Variants in CPSF2 observed in about 807,000 individuals in gnomAD.
The protein encoded by CPSF2 is cleavage and polyadenylation specificity factor subunit 2.
In CPSF2, 51 loss-of-function variants were observed where a neutral mutation model predicts 84.2. The observed-to-expected ratio is 0.61, with a 90% CI of 0.48 to 0.77. CPSF2 has a LOEUF of 0.77. Among genes scored for constraint, CPSF2 ranks in the 30% least tolerant of loss-of-function variants. CPSF2 has a pLI of 0.00. For synonymous variants in CPSF2, 286 were observed against 311.9 expected, an observed-to-expected ratio of 0.92 and a Z score of 0.87; for missense variants, 641 against 929.4, an observed-to-expected ratio of 0.69 and a Z score of 4.03.
At chr14:92,130,930 T>A in intron 2 of CPSF2, 21 bp from the exon 3 acceptor site, 2 of 1,468,758 alleles carry the variant, frequency 1.4e-6, no homozygotes, top group Non-Finnish European at 1.9e-6. Context: ...TGTTTAATTA[T>A]GTTTTCATTT....
chr14:92,122,618 A>G (rs2068787808), intron 1 of CPSF2, among the ~76,000 whole-genome samples: 1 of 152,122 alleles, frequency 6.6e-6, no homozygotes, highest in Admixed American at 6.5e-5. Flanking sequence ...ACTGTACTAA[A>G]AGGGTCTTGG....
chr14:92,168,511 T>C lies in CPSF2; in HGVS notation c.*6767T>C, dbSNP rs2069480099. The C allele has an allele frequency of 6.6e-6, 1 of 152,188 alleles. No individual in the cohort carries two copies. The highest frequency in any genetic ancestry group is 2.1e-4 in the South Asian group (1 of 4,838). The allele number at this position is 152,188 out of a possible 1,614,324, so 9.4% of individuals were successfully genotyped here. On this transcript the variant is annotated 3_prime_UTR_variant, in exon 16 of 16. Transcript: ENST00000298875. ...CGCACATGCACACACAGCTCTATTT[T>C]TTGGTGCTTTTCGTTCATTATTCAC...
At position 92,161,639 on chromosome 14, in the gene CPSF2, A is replaced by G. The variant is rs748180031; in HGVS notation, c.2257-13A>G. On this transcript the variant is annotated splice_polypyrimidine_tract_variant and intron_variant, in intron 15 of 15. Coordinates refer to ENST00000298875, the MANE Select transcript of CPSF2 (RefSeq NM_017437.3). ...GAAAATGTACTAAAGAATTTTTTTT[A>G]TTTGGTTTCTAGACGGAAACTGGAC... 22 of 1,563,058 alleles carry G rather than the reference A, an allele frequency of 1.4e-5. No individual in the cohort carries two copies. Among genetic ancestry groups the G allele is most frequent in the Non-Finnish European group, 1.6e-5 (19 of 1,159,924 alleles).
At chr14:92,160,994 G>C in intron 14 of CPSF2, 118 bp from the exon 15 acceptor site, 1 of 940,820 alleles carries the variant, frequency 1.1e-6, no homozygotes. Context: ...TCTGTCAAAG[G>C]ACTTCAGGGA....
chr14:92,135,854 T>G (rs2068991777), intron 6 of CPSF2, among the ~76,000 whole-genome samples: 2 of 152,248 alleles, frequency 1.3e-5, no homozygotes, highest in Non-Finnish European at 2.9e-5. Context: ...TGATATGGTT[T>G]GGCTCTGTGT....
chr14:92,149,983 G>A (rs939145915), intron 9 of CPSF2, among the ~76,000 whole-genome samples: 2 of 152,202 alleles, frequency 1.3e-5, no homozygotes, highest in Admixed American at 6.5e-5. Flanking sequence ...AATAATTTGG[G>A]TGACAAGATG....
intron 7 of CPSF2, among the ~76,000 whole-genome samples, chr14:92,140,748 CAA>C (rs568158522): frequency 1.3e-5 from 2 of 149,740 alleles, no homozygotes; most frequent in Non-Finnish European, 3.0e-5. Context: ...CCCATCTCTA[CAA>C]AAAAAAAGAA....
At chr14:92,148,800 T>C (rs997606781) in intron 9 of CPSF2, among the ~76,000 whole-genome samples, 2 of 150,070 alleles carry the variant, frequency 1.3e-5, no homozygotes, top group African/African-American at 4.9e-5. Context: ...AAGAAATGTA[T>C]ATATATATAT....
chr14:92,150,598 A>T (rs1426011122), intron 9 of CPSF2, among the ~76,000 whole-genome samples: 1 of 151,650 alleles, frequency 6.6e-6, no homozygotes, highest in Non-Finnish European at 1.5e-5. Flanking sequence ...TGTAATTTTT[A>T]ATTCTTTTTT....
intron 5 of CPSF2, among the ~76,000 whole-genome samples, chr14:92,134,755 T>C (rs1459534180): frequency 6.6e-6 from 1 of 152,186 alleles, no homozygotes; most frequent in African/African-American, 2.4e-5. Flanking sequence ...AATTCTAGCA[T>C]TGGACGTTAA....
chr14:92,139,310 A>T (rs1266285899), intron 7 of CPSF2, among the ~76,000 whole-genome samples: 1 of 151,622 alleles, frequency 6.6e-6, no homozygotes, highest in East Asian at 2.0e-4. Context: ...CCAGCTACTC[A>T]GGAGGCTGAG....
intron 1 of CPSF2, chr14:92,122,374 T>A: frequency 6.2e-6 from 1 of 162,548 alleles, no homozygotes; most frequent in Non-Finnish European, 1.4e-5. Flanking sequence ...CCCGGGATCT[T>A]CTTCCCTCCT....
At chr14:92,136,749 C>T (rs762520306) in intron 6 of CPSF2, among the ~76,000 whole-genome samples, 3 of 152,092 alleles carry the variant, frequency 2.0e-5, no homozygotes, top group Non-Finnish European at 2.9e-5. Flanking sequence ...CGTTCAGTCT[C>T]GTAGTAACCG....
At chr14:92,129,571 TAGCCAGGAAA>T (rs1293910716) in intron 2 of CPSF2, among the ~76,000 whole-genome samples, 13 of 152,332 alleles carry the variant, frequency 8.5e-5, no homozygotes, top group African/African-American at 2.9e-4. Flanking sequence ...CTTGCATAGT[TAGCCAGGAAA>T]AGCTCATTTA....
chr14:92,147,706 T>C (rs1210985403), intron 9 of CPSF2, among the ~76,000 whole-genome samples: 2 of 152,156 alleles, frequency 1.3e-5, no homozygotes, highest in Admixed American at 1.3e-4. Flanking sequence ...TAAACATGTA[T>C]TTATTTGTTT....
Position 92,171,356 on chromosome 14 carries a change from T to C in CPSF2, c.*9612T>C, listed in dbSNP as rs549275675. The C allele has an allele frequency of 6.6e-6, 1 of 152,314 alleles. No individual in the cohort carries two copies. Among genetic ancestry groups the C allele is most frequent in the East Asian group, 1.9e-4 (1 of 5,186 alleles). The allele number at this position is 152,314 out of a possible 1,614,324, so 9.4% of individuals were successfully genotyped here. On this transcript the variant is annotated 3_prime_UTR_variant, in exon 16 of 16. Transcript: ENST00000298875. Reference sequence around the variant, plus strand: ...CATTTATTCAATATTTATATCAGTATAGAACATGGGTCCCTGTTTTATCAT... The same window carrying C: ...CATTTATTCAATATTTATATCAGTACAGAACATGGGTCCCTGTTTTATCAT...
Position 92,169,952 on chromosome 14 carries a change from A to G in CPSF2, c.*8208A>G, listed in dbSNP as rs2069497587. On this transcript the variant is annotated 3_prime_UTR_variant, in exon 16 of 16. Transcript: ENST00000298875. ...CAGGAGTTTGAGACCAACCTGGGCA[A>G]CATAGTGAGAACTCATCTCTATTAA... 6.6e-6 allele frequency: 1 copy of G among 152,192 alleles called. No homozygotes were observed. Among genetic ancestry groups the G allele is most frequent in the Non-Finnish European group, 1.5e-5 (1 of 68,104 alleles). 9.4% of individuals were successfully genotyped at this position (152,192 alleles called of 1,614,324 possible).
rs770138083 is a variant in CPSF2, at chr14:92,143,047, A to G, written c.893A>G (p.Lys298Arg). The G allele has an allele frequency of 6.2e-7, 1 of 1,613,906 alleles. No individual in the cohort carries two copies. Among genetic ancestry groups the G allele is most frequent in the Non-Finnish European group, 8.5e-7 (1 of 1,179,832 alleles). The change falls in exon 9 of 16, where the codon AAA becomes AGA. Residue 298 changes from lysine (K) to arginine (R), a missense_variant. Transcript: ENST00000298875. ...AAATTGATGAGATGTTTTGAAGACAAAAGAAATAATCCGTTTCAGTTTCGC... is the reference window on the plus strand; with the variant it reads ...AAATTGATGAGATGTTTTGAAGACAGAAGAAATAATCCGTTTCAGTTTCGC... ...SDKLMRCFED[K>R]RNNPFQFRHL...
Position 92,154,350 on chromosome 14 carries a change from T to G in CPSF2, c.1141-8T>G, listed in dbSNP as rs766620721. The G allele has an allele frequency of 6.3e-7, 1 of 1,586,026 alleles. No individual in the cohort carries two copies. Among genetic ancestry groups the G allele is most frequent in the Non-Finnish European group, 8.6e-7 (1 of 1,168,760 alleles). On this transcript the variant is annotated splice_region_variant and splice_polypyrimidine_tract_variant and intron_variant, in intron 9 of 15. Coordinates refer to ENST00000298875, the MANE Select transcript of CPSF2 (RefSeq NM_017437.3). ...TAACATTTCCTTTTGTCTTTTATTT[T>G]TTTTTAGTTGAGGAAACGTGTGAAG...
Sources: allele counts gnomAD v4.1 joint callset (sites outside exome capture counted in the v4.1 genomes callset), GRCh38; gene constraint gnomAD v4.1.1; transcripts MANE v1.5; gene names NCBI Gene and HGNC (gene_info 2026-07-23, HGNC 2026-07-21).